Variants in LAMA5 observed in about 807,000 individuals in gnomAD.
LAMA5 encodes the protein laminin subunit alpha 5, also known as laminin subunit alpha-5.
A neutral mutation model predicts 433.4 loss-of-function variants in LAMA5; 260 were observed. The observed-to-expected ratio is 0.60, with a 90% confidence interval of 0.54 to 0.66. The LOEUF (loss-of-function observed/expected upper bound fraction) is 0.66. LAMA5 is among the 30% of genes least tolerant of loss of function. The pLI, the probability that LAMA5 is intolerant of heterozygous loss-of-function variation, is 0.00. For synonymous variants in LAMA5, 2,620 were observed against 2,226.6 expected (o/e 1.18, Z -4.97); for missense variants, 5,378 against 5,258.5 (o/e 1.02, Z -0.70).
At position 62,322,414 on chromosome 20, in the gene LAMA5, G is replaced by A. The variant is rs1382900062; in HGVS notation, c.6201C>T (p.Cys2067=). The change falls in exon 47 of 80, where the codon TGC becomes TGT. Residue 2067 remains cysteine (C), a synonymous_variant. Transcript: ENST00000252999. ...CGGCCGGTCCACAAGCACACGGGCG[G>A]CAGCCCCCGCAGCCATCGAAACCAA... The part of the protein sequence containing the change: ...GHFGFDGCGG[C]RPCACGPAAE... 6.3e-7 allele frequency: 1 copy of A among 1,591,086 alleles called. No homozygotes were observed. Among genetic ancestry groups the A allele is most frequent in the Admixed American group, 1.8e-5 (1 of 56,728 alleles).
At chr20:62,354,182 G>A (rs952699848) in intron 2 of LAMA5, among the ~76,000 whole-genome samples, 7 of 152,018 alleles carry the variant, frequency 4.6e-5, no homozygotes, top group African/African-American at 1.2e-4. Flanking sequence ...TTCACAGGAC[G>A]CTTTGTACAC....
In LAMA5 at chr20:62,309,710, A is replaced by T. The variant is rs781726009; in HGVS notation, c.10948+6T>A. ...CTCCCCCACCCTTGATCAAGGCCGC[A>T]CTCACCAGGCAGGCCCCCGAGGTAC... is the stretch of plus-strand genomic sequence containing the variant. On this transcript the variant is annotated splice_donor_region_variant and intron_variant, in intron 79 of 79. Transcript: ENST00000252999. 1 of 1,571,038 alleles carries T rather than the reference A, an allele frequency of 6.4e-7. No individual in the cohort carries two copies. Among genetic ancestry groups the T allele is most frequent in the African/African-American group, 1.4e-5 (1 of 70,544 alleles).
Position 62,320,706 on chromosome 20 carries a change from G to T in LAMA5, c.6648+33C>A, listed in dbSNP as rs753323352. 5.0e-6 allele frequency: 8 copies of T among 1,612,118 alleles called. No individual in the cohort carries two copies. The South Asian group carries it at 5.5e-5, about 11-fold the overall frequency. On this transcript the variant is annotated intron_variant, in intron 49 of 79. Transcript: ENST00000252999. ...GAAAGGTGAAGGCCTGCACTGGCCC[G>T]GGTTGGGGAGGGAAGGCCAGGACGC...
intron 2 of LAMA5, among the ~76,000 whole-genome samples, chr20:62,362,096 C>T (rs908108188): frequency 4.6e-5 from 7 of 152,246 alleles, no homozygotes; most frequent in Admixed American, 1.3e-4. Context: ...ACAGCACCTC[C>T]GCCCTCCCAG....
intron 2 of LAMA5, among the ~76,000 whole-genome samples, chr20:62,357,358 T>C (rs1741640): frequency 0.66 from 100,960 of 152,182 alleles, 35,833 homozygotes; most frequent in East Asian, 0.86. Flanking sequence ...AGCACCCTGA[T>C]CGCACTGCTC....
intron 2 of LAMA5, among the ~76,000 whole-genome samples, chr20:62,356,010 T>A (rs1985169598): frequency 6.6e-6 from 1 of 152,036 alleles, no homozygotes; most frequent in African/African-American, 2.4e-5. Flanking sequence ...TCTGTCCTCC[T>A]CCCTCCCCTT....
Position 62,313,774 on chromosome 20 carries a change from T to C in LAMA5, c.8533A>G (p.Thr2845Ala). 6.2e-7 allele frequency: 1 copy of C among 1,612,786 alleles called. No homozygotes were observed. ...RTLQFGHMSVTVERQMIQETK... is the reference protein window; with the variant it reads ...RTLQFGHMSVAVERQMIQETK... ...TCCTGGATCATCTGTCTCTCCACTG[T>C]GACGGACATGTGGCCAAACTGGAGA... is the stretch of plus-strand genomic sequence containing the variant. Residue 2845 changes from threonine to alanine, a missense_variant, in exon 63 of 80, where the codon ACA becomes GCA. Transcript: ENST00000252999.
In LAMA5 at chr20:62,329,269, T is replaced by C; in HGVS notation, c.4120-16A>G. ...GTACATAATCCTAGGGGGTGAGGCC[T>C]GGTCACTCTCCCGCGGGCCCAGAGC... On this transcript the variant is annotated splice_polypyrimidine_tract_variant and intron_variant, in intron 32 of 79. Coordinates refer to ENST00000252999, the MANE Select transcript of LAMA5 (RefSeq NM_005560.6). 1 of 1,581,846 alleles carries C rather than the reference T, an allele frequency of 6.3e-7. No homozygotes were observed. Among genetic ancestry groups the C allele is most frequent in the South Asian group, 1.1e-5 (1 of 90,274 alleles).
chr20:62,322,615 C>T, intron 46 of LAMA5, 43 bp downstream of exon 46: 1 of 1,455,222 alleles, frequency 6.9e-7, no homozygotes, highest in Non-Finnish European at 9.3e-7. Context: ...AACTCTAGTC[C>T]CTAGGCCCCA....
chr20:62,331,583 G>GCCAGGC lies in LAMA5; in HGVS notation c.3553-460_3553-455dup, dbSNP rs560269158. The stretch of plus-strand genomic sequence containing the variant: ...GTGCTGCTTGGTGCCACCAGGCCGG[G>GCCAGGC]CCAGGCCCAGCTCTCCCAGGACCTG... On this transcript the variant is annotated intron_variant, in intron 28 of 79. Coordinates refer to ENST00000252999, the MANE Select transcript of LAMA5 (RefSeq NM_005560.6). 1.4e-4 allele frequency among the ~76,000 whole-genome samples: 21 copies of GCCAGGC among 152,218 alleles called. No homozygotes were observed. The East Asian group carries it at 4.1e-3, about 29-fold the overall frequency.
At position 62,330,490 on chromosome 20, in the gene LAMA5, T is replaced by A; in HGVS notation, c.3977A>T (p.Gln1326Leu). ...EVLINAGRVW[Q>L]GHANASFCPH... ...CACCCCCCACACCAGACACTCACCC[T>A]GCCACACGCGGCCGGCGTTGATGAG... Residue 1326 changes from glutamine to leucine, a missense_variant and splice_region_variant, in exon 31 of 80, where the codon CAG becomes CTG. By Grantham distance (113) the Gln-to-Leu change is moderately radical. Coordinates refer to ENST00000252999, the MANE Select transcript of LAMA5 (RefSeq NM_005560.6). The A allele has an allele frequency of 3.2e-6, 5 of 1,548,944 alleles. No individual in the cohort carries two copies. Among genetic ancestry groups the A allele is most frequent in the Non-Finnish European group, 4.4e-6 (5 of 1,145,672 alleles).
At chr20:62,349,511 C>T (rs114287144) in intron 6 of LAMA5, among the ~76,000 whole-genome samples, 1,649 of 150,354 alleles carry the variant, frequency 0.011, 26 homozygotes, top group African/African-American at 0.039. Flanking sequence ...CTATCAACCA[C>T]GAATCCTACA....
chr20:62,341,826 C>CAAAAAAAAAAAAAAAAAAAAA (rs11466846), intron 11 of LAMA5, among the ~76,000 whole-genome samples: 2 of 128,152 alleles, frequency 1.6e-5, no homozygotes, highest in African/African-American at 7.5e-5. Context: ...TCTGATCAAC[C>CAAAAAAAAAAAAAAAAAAAAA]AAAAAAAAAA....
At position 62,333,967 on chromosome 20, in the gene LAMA5, C is replaced by A; in HGVS notation, c.2812G>T (p.Gly938Trp). Reference sequence around the variant, plus strand: ...ACCCGCCCGCTCACACTCATGGCCCCCCGGTTGACGTATCGGAAGACGAGC... The same window carrying A: ...ACCCGCCCGCTCACACTCATGGCCCACCGGTTGACGTATCGGAAGACGAGC... Reference protein sequence around the residue: ...FWLVFRYVNRGAMSVSGRVSV... With the variant: ...FWLVFRYVNRWAMSVSGRVSV... The change falls in exon 23 of 80, where the codon GGG becomes TGG. Residue 938 changes from glycine to tryptophan, a missense_variant. Physicochemically the swap from Gly to Trp is radical, Grantham distance 184 (BLOSUM62 -2). Transcript: ENST00000252999. 6.2e-7 allele frequency: 1 copy of A among 1,612,884 alleles called. No individual in the cohort carries two copies. The highest frequency in any genetic ancestry group is 8.5e-7 in the Non-Finnish European group (1 of 1,179,858).
intron 62 of LAMA5, 103 bp downstream of exon 62, chr20:62,314,201 T>C (rs377425462): frequency 9.7e-6 from 13 of 1,338,126 alleles, no homozygotes; most frequent in South Asian, 6.7e-5. Context: ...CGAGTGGGCA[T>C]GGAGAGGTGA....
intron 23 of LAMA5, 60 bp from the exon 24 acceptor site, chr20:62,333,766 C>T (rs1420916153): frequency 6.7e-7 from 1 of 1,494,248 alleles, no homozygotes; most frequent in Non-Finnish European, 9.0e-7. Flanking sequence ...CCAGGCTGCA[C>T]CCCCTACAGG....
chr20:62,338,573 C>T lies in LAMA5; in HGVS notation c.1513G>A (p.Ala505Thr), dbSNP rs1305610199. The change falls in exon 12 of 80, where the codon GCC (alanine) becomes ACC (threonine). Residue 505 changes from alanine (A) to threonine (T), a missense_variant. Coordinates refer to ENST00000252999, the MANE Select transcript of LAMA5 (RefSeq NM_005560.6). ...DCSAAGTQGN[A>T]CRKDPRVGRC... ...CCCACCCTTGGGTCCTTCCGGCAGG[C>T]GTTGCCCTGGGTCCCTGCCGCGCTG... The T allele has an allele frequency of 1.2e-5, 19 of 1,611,012 alleles. No individual in the cohort carries two copies. Among genetic ancestry groups the T allele is most frequent in the Admixed American group, 1.7e-5 (1 of 59,764 alleles).
chr20:62,346,412 G>A (rs1983372515), intron 9 of LAMA5, 94 bp downstream of exon 9: 3 of 1,402,204 alleles, frequency 2.1e-6, no homozygotes, highest in Non-Finnish European at 2.9e-6. Context: ...GGAAGCTCAG[G>A]ACATCCCCTC....
rs2146074439 is a variant in LAMA5, at chr20:62,316,668, C to T, written c.7756+3G>A. 1 of 1,584,202 alleles carries T rather than the reference C, an allele frequency of 6.3e-7. No homozygotes were observed. Among genetic ancestry groups the T allele is most frequent in the Non-Finnish European group, 8.6e-7 (1 of 1,161,856 alleles). On this transcript the variant is annotated splice_donor_region_variant and intron_variant, in intron 57 of 79. Coordinates refer to ENST00000252999, the MANE Select transcript of LAMA5 (RefSeq NM_005560.6). Reference sequence around the variant, plus strand: ...AGGGCCCCCATCGGAGCCCAGCACTCACCAAGGCCCAGCCTCTGCTGTTCC... The same window carrying T: ...AGGGCCCCCATCGGAGCCCAGCACTTACCAAGGCCCAGCCTCTGCTGTTCC...
Sources: gnomAD v4.1 joint callset for allele counts (sites outside exome capture counted in the v4.1 genomes callset) on GRCh38, gnomAD v4.1.1 for gene constraint, MANE v1.5 for transcripts, NCBI Gene and HGNC (gene_info 2026-07-23, HGNC 2026-07-21) for gene names.